Variants in ARL15 observed in about 807,000 individuals in gnomAD.
ARL15 encodes the protein ARF like GTPase 15, also known as ADP-ribosylation factor-like protein 15.
ARL15 carries 19 observed loss-of-function variants against 25.2 expected under a neutral mutation model. That is an observed-to-expected ratio of 0.75 (90% confidence interval 0.53 to 1.10). The LOEUF is 1.10. Ranked by LOEUF, ARL15 falls within the 50% of genes least tolerant of loss-of-function variation. ARL15 has a pLI of 0.00. For synonymous variants in ARL15, 94 were observed against 86.8 expected, an observed-to-expected ratio of 1.08 and a Z score of -0.46; for missense variants, 220 against 246.0, an observed-to-expected ratio of 0.89 and a Z score of 0.71.
chr5:53,920,695 C>T (rs920371209), intron 4 of ARL15, among the ~76,000 whole-genome samples: 3 of 132,936 alleles, frequency 2.3e-5, no homozygotes, highest in African/African-American at 8.5e-5. Context: ...ATAAAAGGAG[C>T]TGCCTACTTA....
intron 4 of ARL15, among the ~76,000 whole-genome samples, chr5:54,066,436 G>A (rs58683108): frequency 0.31 from 46,385 of 152,064 alleles, 9,274 homozygotes; most frequent in African/African-American, 0.57. Context: ...ATGTTATATA[G>A]CATGAACAAT....
At chr5:54,114,051 T>C (rs967219002) in intron 3 of ARL15, among the ~76,000 whole-genome samples, 2 of 152,164 alleles carry the variant, frequency 1.3e-5, no homozygotes, top group African/African-American at 4.8e-5. Flanking sequence ...TGTACACTTA[T>C]GATCTCAATG....
chr5:54,161,537 T>C (rs1754401471), intron 2 of ARL15, among the ~76,000 whole-genome samples: 1 of 152,240 alleles, frequency 6.6e-6, no homozygotes, highest in African/African-American at 2.4e-5. Flanking sequence ...TATTCTCTAG[T>C]AAAGTTAAAC....
chr5:54,042,580 C>G (rs560256708), intron 4 of ARL15, among the ~76,000 whole-genome samples: 4 of 152,332 alleles, frequency 2.6e-5, no homozygotes, highest in African/African-American at 9.6e-5. Context: ...ATCTGATTGA[C>G]AGGTCTCTAC....
At chr5:53,897,516 A>G (rs557691045) in intron 4 of ARL15, among the ~76,000 whole-genome samples, 1 of 152,296 alleles carries the variant, frequency 6.6e-6, no homozygotes, top group East Asian at 1.9e-4. Context: ...TTTGGCTATT[A>G]TAAATAATGC....
In ARL15 at chr5:54,102,204, G is replaced by T. The variant is rs189963466; in HGVS notation, c.462+10998C>A. Among the ~76,000 whole-genome samples the T allele has an allele frequency of 2.0e-3, 303 of 151,992 alleles. 4 individuals are homozygous for T. Among genetic ancestry groups the T allele is most frequent in the Non-Finnish European group, 4.1e-4 (28 of 67,944 alleles). On this transcript the variant is annotated intron_variant, in intron 4 of 4. Transcript: ENST00000504924. Reference sequence around the variant, plus strand: ...ATTTTTGTATTTTAGTAGAGAATGGGTTTCACCATGTCGGCCAGGCTTGTC... The same window carrying T: ...ATTTTTGTATTTTAGTAGAGAATGGTTTTCACCATGTCGGCCAGGCTTGTC...
intron 4 of ARL15, among the ~76,000 whole-genome samples, chr5:53,997,822 A>T (rs1319755420): frequency 6.6e-6 from 1 of 152,002 alleles, no homozygotes; most frequent in Non-Finnish European, 1.5e-5. Context: ...ATCTCCACTT[A>T]AAAAAAAGAA....
At chr5:53,909,039 G>A (rs549969613) in intron 4 of ARL15, among the ~76,000 whole-genome samples, 23 of 152,034 alleles carry the variant, frequency 1.5e-4, no homozygotes, top group Non-Finnish European at 2.6e-4. Flanking sequence ...TAAATTATTC[G>A]GGAGAGTAAT....
At chr5:54,196,320 T>C (rs1453467735) in intron 1 of ARL15, among the ~76,000 whole-genome samples, 1 of 152,076 alleles carries the variant, frequency 6.6e-6, no homozygotes, top group Non-Finnish European at 1.5e-5. Context: ...TTTCCACTAT[T>C]TAGAAGTTGA....
At chr5:53,901,391 G>C (rs1292770297) in intron 4 of ARL15, among the ~76,000 whole-genome samples, 4 of 152,116 alleles carry the variant, frequency 2.6e-5, no homozygotes, top group African/African-American at 9.7e-5. Flanking sequence ...TGTTTAAGGA[G>C]TCCTACCTAT....
intron 4 of ARL15, among the ~76,000 whole-genome samples, chr5:54,085,169 A>G (rs1372149757): frequency 1.3e-5 from 2 of 152,232 alleles, no homozygotes; most frequent in Non-Finnish European, 2.9e-5. Context: ...AACAATGACA[A>G]TAAGAATAAA....
At chr5:53,946,709 A>G (rs934585155) in intron 4 of ARL15, among the ~76,000 whole-genome samples, 2 of 152,132 alleles carry the variant, frequency 1.3e-5, no homozygotes, top group African/African-American at 4.8e-5. Context: ...TATCATTAAC[A>G]GCCCCCAATT....
At chr5:54,042,811 G>T (rs1018520727) in intron 4 of ARL15, among the ~76,000 whole-genome samples, 2 of 152,142 alleles carry the variant, frequency 1.3e-5, no homozygotes, top group Non-Finnish European at 2.9e-5. Context: ...TCACCAAGTG[G>T]GGGTGGGGTG....
At chr5:54,034,057 C>T (rs1750092741) in intron 4 of ARL15, among the ~76,000 whole-genome samples, 2 of 152,346 alleles carry the variant, frequency 1.3e-5, no homozygotes, top group South Asian at 4.1e-4. Flanking sequence ...TCGTGATCCG[C>T]TTGCCTTGGC....
At chr5:54,165,167 G>C (rs1397442236) in intron 2 of ARL15, among the ~76,000 whole-genome samples, 1 of 151,848 alleles carries the variant, frequency 6.6e-6, no homozygotes. Flanking sequence ...TTGTGCTATT[G>C]TTCTCAGGCA....
chr5:54,049,456 C>T (rs944028818), intron 4 of ARL15, among the ~76,000 whole-genome samples: 3 of 152,182 alleles, frequency 2.0e-5, no homozygotes, highest in South Asian at 2.1e-4. Context: ...CTTAAATATA[C>T]ATCTTAAAGG....
In ARL15 at chr5:54,183,009, G is replaced by A. The variant is rs985034824; in HGVS notation, c.49-11081C>T. Among the ~76,000 whole-genome samples the A allele has an allele frequency of 2.2e-5, 3 of 137,272 alleles. No individual in the cohort carries two copies. The Admixed American group carries it at 2.2e-4, about 10-fold the overall frequency. 90.1% of individuals were successfully genotyped at this position (137,272 alleles called of 152,430 possible). Reference sequence around the variant, plus strand: ...TTTGTACATTGATTTTGTATCCTGAGACTTTGGTGAAGTTGCTTATCAGCT... The same window carrying A: ...TTTGTACATTGATTTTGTATCCTGAAACTTTGGTGAAGTTGCTTATCAGCT... On this transcript the variant is annotated intron_variant, in intron 1 of 4. Transcript: ENST00000504924.
chr5:54,155,681 C>CACACAT (rs1754207642), intron 2 of ARL15, among the ~76,000 whole-genome samples: 2 of 3,494 alleles, frequency 5.7e-4, no homozygotes, highest in African/African-American at 2.3e-3. Flanking sequence ...TATACCCATT[C>CACACAT]ACACACACAC....
chr5:54,069,584 A>C (rs62370382), intron 4 of ARL15, among the ~76,000 whole-genome samples: 2 of 139,722 alleles, frequency 1.4e-5, no homozygotes, highest in Non-Finnish European at 3.1e-5. Context: ...AAAAAAAAAA[A>C]CCACGAAAAA....
Sources: gnomAD v4.1 joint callset for allele counts (sites outside exome capture counted in the v4.1 genomes callset) on GRCh38, gnomAD v4.1.1 for gene constraint, MANE v1.5 for transcripts, NCBI Gene and HGNC (gene_info 2026-07-23, HGNC 2026-07-21) for gene names.